Variants in TASP1 observed in about 807,000 individuals in gnomAD.
TASP1 encodes threonine aspartase 1.
In TASP1, 16 loss-of-function variants were observed where a neutral mutation model predicts 56.6. That is an observed-to-expected ratio of 0.28 (90% CI 0.19 to 0.43). The LOEUF (loss-of-function observed/expected upper bound fraction) is 0.43. Ranked by LOEUF, TASP1 falls within the 20% of genes least tolerant of loss-of-function variation. The pLI, the probability that TASP1 is intolerant of heterozygous loss-of-function variation, is 1.00. For synonymous variants in TASP1, 179 were observed against 184.2 expected (o/e 0.97, Z 0.23); for missense variants, 393 against 511.6 (o/e 0.77, Z 2.24).
the TASP1 span, among the ~76,000 whole-genome samples, chr20:13,199,782 G>C: frequency 8.9e-4 from 136 of 152,328 alleles, no homozygotes; most frequent in African/African-American, 3.2e-3. Flanking sequence ...AAGCGGCCAG[G>C]ATGGTGCCCA....
At chr20:13,243,466 C>T in the TASP1 span, among the ~76,000 whole-genome samples, 1 of 152,166 alleles carries the variant, frequency 6.6e-6, no homozygotes, top group Admixed American at 6.5e-5. Context: ...GCCCTCTCTG[C>T]CTCATTACTC....
intron 11 of TASP1, among the ~76,000 whole-genome samples, chr20:13,475,867 G>A (rs1479275498): frequency 6.6e-6 from 1 of 151,914 alleles, no homozygotes; most frequent in Non-Finnish European, 1.5e-5. Context: ...TTGCACTCCA[G>A]CCTGGGTGAC....
chr20:13,377,919 A>T, the TASP1 span, among the ~76,000 whole-genome samples: 1 of 152,150 alleles, frequency 6.6e-6, no homozygotes, highest in Non-Finnish European at 1.5e-5. Flanking sequence ...CAGTGATGAT[A>T]TCCCCTTTAT....
At chr20:13,153,460 A>T in the TASP1 span, among the ~76,000 whole-genome samples, 1 of 152,184 alleles carries the variant, frequency 6.6e-6, no homozygotes, top group African/African-American at 2.4e-5. Flanking sequence ...GCCTCAAAAA[A>T]CAGCCCTAAT....
chr20:13,206,955 G>A, the TASP1 span, among the ~76,000 whole-genome samples: 2 of 152,176 alleles, frequency 1.3e-5, no homozygotes, highest in Admixed American at 6.5e-5. Flanking sequence ...AATTGTGAAG[G>A]TAGGAGATGA....
the TASP1 span, among the ~76,000 whole-genome samples, chr20:13,200,772 T>C: frequency 9.9e-5 from 15 of 152,246 alleles, no homozygotes; most frequent in Admixed American, 6.5e-5. Flanking sequence ...CTGGATTATG[T>C]TACCAAAGGC....
intron 13 of TASP1, among the ~76,000 whole-genome samples, chr20:13,409,424 T>C (rs1320978527): frequency 6.6e-6 from 1 of 152,098 alleles, no homozygotes; most frequent in Non-Finnish European, 1.5e-5. Context: ...TAGGCACATA[T>C]ACATTTAGAC....
chr20:13,221,949 G>C, the TASP1 span: 2 of 1,308,560 alleles, frequency 1.5e-6, no homozygotes, highest in Non-Finnish European at 1.9e-6. Context: ...GTGCGCGGCT[G>C]CGGGGACGGT....
intron 11 of TASP1, among the ~76,000 whole-genome samples, chr20:13,472,627 CAAATTTACAAGAAA>C (rs2044553924): frequency 6.6e-6 from 1 of 150,746 alleles, no homozygotes; most frequent in Non-Finnish European, 1.5e-5. Context: ...AGAACTTAAA[CAAATTTACAAGAAA>C]AAATCAAACA....
chr20:13,466,001 AACT>A (rs1455052076), intron 11 of TASP1, among the ~76,000 whole-genome samples: 1 of 152,130 alleles, frequency 6.6e-6, no homozygotes, highest in Non-Finnish European at 1.5e-5. Context: ...CACACACACA[AACT>A]ACAAGTAAAG....
chr20:13,116,627 C>T, the TASP1 span, among the ~76,000 whole-genome samples: 7 of 152,150 alleles, frequency 4.6e-5, no homozygotes, highest in African/African-American at 1.7e-4. Flanking sequence ...ATGGAAGGTT[C>T]TATCGTGTAT....
At chr20:13,158,808 C>T in the TASP1 span, among the ~76,000 whole-genome samples, 1 of 152,164 alleles carries the variant, frequency 6.6e-6, no homozygotes, top group Non-Finnish European at 1.5e-5. Context: ...TCTGAAACAA[C>T]CAAAAGGCAG....
chr20:13,622,601 C>G (rs2048754271), intron 4 of TASP1, among the ~76,000 whole-genome samples: 1 of 152,116 alleles, frequency 6.6e-6, no homozygotes. Context: ...CAAGGAAAGG[C>G]ATGAAAGGGT....
the TASP1 span, chr20:13,154,113 C>T: frequency 1.9e-6 from 3 of 1,614,124 alleles, no homozygotes; most frequent in Non-Finnish European, 2.5e-6. Flanking sequence ...TGTTCCTCTG[C>T]TTCTTTATAT....
chr20:13,373,551 T>G, the TASP1 span, among the ~76,000 whole-genome samples: 1 of 152,110 alleles, frequency 6.6e-6, no homozygotes, highest in African/African-American at 2.4e-5. Flanking sequence ...TGTTGTTGTT[T>G]ATTTCAGCAC....
chr20:13,406,829 G>T (rs1339254621), intron 13 of TASP1, among the ~76,000 whole-genome samples: 1 of 151,410 alleles, frequency 6.6e-6, no homozygotes, highest in Non-Finnish European at 1.5e-5. Flanking sequence ...ACCATGCCTG[G>T]CTAATTTTTT....
chr20:13,180,453 T>C, the TASP1 span, among the ~76,000 whole-genome samples: 1 of 152,198 alleles, frequency 6.6e-6, no homozygotes, highest in Non-Finnish European at 1.5e-5. Context: ...CTTAATCTTC[T>C]GGGCAAAAAT....
the TASP1 span, among the ~76,000 whole-genome samples, chr20:13,241,830 T>C: frequency 4.6e-5 from 7 of 152,264 alleles, no homozygotes; most frequent in East Asian, 5.8e-4. Flanking sequence ...ATTGTTCCCA[T>C]CACCCACCTG....
the TASP1 span, among the ~76,000 whole-genome samples, chr20:13,214,126 A>G: frequency 6.6e-6 from 1 of 151,934 alleles, no homozygotes; most frequent in Non-Finnish European, 1.5e-5. Flanking sequence ...AAGTTAGATC[A>G]TATTATTGTG....
Sources: allele counts gnomAD v4.1 joint callset (sites outside exome capture counted in the v4.1 genomes callset), GRCh38; gene constraint gnomAD v4.1.1; transcripts MANE v1.5; gene names NCBI Gene and HGNC (gene_info 2026-07-23, HGNC 2026-07-21).